RAPGEF5: variants seen among roughly 807,000 people sequenced by gnomAD.
The protein encoded by RAPGEF5 is M-Ras-regulated GEF.
Under a neutral mutation model 125.2 loss-of-function variants are expected in RAPGEF5, and 65 were observed. That is an observed-to-expected ratio of 0.52 (90% CI 0.43 to 0.64). RAPGEF5 has a LOEUF of 0.64. RAPGEF5 is among the 30% of genes least tolerant of loss of function. RAPGEF5 has a pLI of 0.00. For missense variants in RAPGEF5, 958 were observed against 1,048.1 expected (o/e 0.91, Z 1.19); for synonymous variants, 391 against 385.9 (o/e 1.01, Z -0.16).
At chr7:22,253,704 A>G (rs1786679729) in intron 7 of RAPGEF5, among the ~76,000 whole-genome samples, 1 of 152,182 alleles carries the variant, frequency 6.6e-6, no homozygotes, top group Non-Finnish European at 1.5e-5. Context: ...AATTAAACAC[A>G]TATTATCAGA....
At chr7:22,212,054 C>T (rs1785521016) in intron 9 of RAPGEF5, among the ~76,000 whole-genome samples, 1 of 151,632 alleles carries the variant, frequency 6.6e-6, no homozygotes, top group Admixed American at 6.6e-5. Flanking sequence ...ACAAGCACCG[C>T]CTCCCGGATT....
At chr7:22,298,965 T>C (rs1441614007) in intron 5 of RAPGEF5, among the ~76,000 whole-genome samples, 1 of 152,146 alleles carries the variant, frequency 6.6e-6, no homozygotes, top group African/African-American at 2.4e-5. Context: ...TTATTCCTGA[T>C]ATTGGCAATT....
chr7:22,246,838 G>T (rs1457343299), intron 7 of RAPGEF5, among the ~76,000 whole-genome samples: 1 of 152,068 alleles, frequency 6.6e-6, no homozygotes, highest in Non-Finnish European at 1.5e-5. Context: ...ATCTGACAAA[G>T]GTCTAATATC....
chr7:22,308,445 T>C lies in RAPGEF5; in HGVS notation c.574A>G (p.Ser192Gly), dbSNP rs1335497884. 6.3e-7 allele frequency: 1 copy of C among 1,576,978 alleles called. No homozygotes were observed. The highest frequency in any genetic ancestry group is 8.6e-7 in the Non-Finnish European group (1 of 1,159,610). Residue 192 changes from serine (S) to glycine (G), a missense_variant, in exon 5 of 26, where the codon AGC (serine) becomes GGC (glycine). Ser to Gly is a moderately conservative substitution (Grantham distance 56). Transcript: ENST00000665637. The stretch of plus-strand genomic sequence containing the variant: ...CTTTCAAATTCACAGTACAAGTAGC[T>C]ACATTCATCAGAGGAAAACTGGTAG... Reference protein sequence around the residue: ...VFYQFSSDECSYLYCEFEREE... With the variant: ...VFYQFSSDECGYLYCEFEREE...
At chr7:22,167,181 G>C in intron 11 of RAPGEF5, 33 bp from the exon 12 acceptor site, 1 of 1,538,872 alleles carries the variant, frequency 6.5e-7, no homozygotes, top group Non-Finnish European at 9.0e-7. Flanking sequence ...CACAAGGTAA[G>C]CAAAGAGGTG....
At chr7:22,206,643 C>T (rs1583481626) in intron 9 of RAPGEF5, among the ~76,000 whole-genome samples, 1 of 149,456 alleles carries the variant, frequency 6.7e-6, no homozygotes, top group African/African-American at 2.5e-5. Flanking sequence ...TGTGATTTTT[C>T]CATCACACTC....
intron 24 of RAPGEF5, 131 bp from the exon 25 acceptor site, chr7:22,125,789 C>G: frequency 1.2e-6 from 1 of 821,396 alleles, no homozygotes; most frequent in Non-Finnish European, 2.0e-6. Flanking sequence ...GTATTTGGAG[C>G]TGGATGTAGC....
chr7:22,323,473 T>C (rs570671910), intron 1 of RAPGEF5, among the ~76,000 whole-genome samples: 17 of 152,352 alleles, frequency 1.1e-4, no homozygotes, highest in Non-Finnish European at 2.4e-4. Flanking sequence ...AATATTTCTT[T>C]TGGGCTGTGT....
At chr7:22,193,505 A>G in intron 10 of RAPGEF5, 50 bp from the exon 11 acceptor site, 2 of 1,556,952 alleles carry the variant, frequency 1.3e-6, no homozygotes, top group Non-Finnish European at 1.7e-6. Flanking sequence ...GAAGACTGCG[A>G]GCGGCTGCTC....
intron 20 of RAPGEF5, among the ~76,000 whole-genome samples, 185 bp downstream of exon 20, chr7:22,144,859 G>A (rs1783379413): frequency 6.6e-6 from 1 of 152,082 alleles, no homozygotes; most frequent in African/African-American, 2.4e-5. Context: ...TTTACTTTAA[G>A]GTATAAATAC....
At chr7:22,176,758 T>C (rs553457944) in intron 11 of RAPGEF5, among the ~76,000 whole-genome samples, 47 of 152,292 alleles carry the variant, frequency 3.1e-4, no homozygotes, top group African/African-American at 1.1e-3. Context: ...CCCAAACTCC[T>C]GACCTCAAAT....
intron 7 of RAPGEF5, among the ~76,000 whole-genome samples, chr7:22,237,006 C>T (rs915911572): frequency 6.6e-6 from 1 of 152,216 alleles, no homozygotes; most frequent in African/African-American, 2.4e-5. Flanking sequence ...CCAGGTGCTG[C>T]ATCTCTTCCT....
At chr7:22,318,277 AAGTAC>A (rs1783643956) in intron 1 of RAPGEF5, among the ~76,000 whole-genome samples, 3 of 152,284 alleles carry the variant, frequency 2.0e-5, no homozygotes, top group African/African-American at 7.2e-5. Context: ...CTCCCAAGAG[AAGTAC>A]AGTAGAAAGA....
rs374477925 is a variant in RAPGEF5, at chr7:22,204,922, G to A, written c.997-10889C>T. Among the ~76,000 whole-genome samples, 11 of 152,178 alleles carry A rather than the reference G, an allele frequency of 7.2e-5. 1 individual carries two copies. The highest frequency in any genetic ancestry group is 3.8e-4 in the East Asian group (2 of 5,200). ...GCGAAGGTTAAAATAAGACAAAGAT[G>A]AATTTGCTTGCATAGGGGTAGATCT... is the stretch of plus-strand genomic sequence containing the variant. On this transcript the variant is annotated intron_variant, in intron 9 of 25. Transcript: ENST00000665637.
rs367909478 is a variant in RAPGEF5 at position 22,131,033 on chromosome 7, G to T, written c.2481+4C>A. The T allele has an allele frequency of 6.5e-7, 1 of 1,540,826 alleles. No individual in the cohort carries two copies. The highest frequency in any genetic ancestry group is 8.8e-7 in the Non-Finnish European group (1 of 1,141,798). Reference sequence around the variant, plus strand: ...AAAAGGGAGAAGTAATGAAATTTACGTACCAGCTTTTCAAAATTGACAAGA... The same window carrying T: ...AAAAGGGAGAAGTAATGAAATTTACTTACCAGCTTTTCAAAATTGACAAGA... On this transcript the variant is annotated splice_donor_region_variant and intron_variant, in intron 24 of 25. Transcript: ENST00000665637.
chr7:22,280,605 A>C (rs1562505554), intron 6 of RAPGEF5, among the ~76,000 whole-genome samples: 1 of 152,246 alleles, frequency 6.6e-6, no homozygotes, highest in Non-Finnish European at 1.5e-5. Flanking sequence ...TTATTCGAGG[A>C]AACTGGTAAA....
intron 11 of RAPGEF5, chr7:22,191,750 C>T: frequency 2.2e-6 from 1 of 451,720 alleles, no homozygotes; most frequent in South Asian, 1.6e-5. Context: ...ATTTGTCATT[C>T]TCAGTGTTAA....
chr7:22,308,355 C>T lies in RAPGEF5; in HGVS notation c.664G>A (p.Gly222Ser). 1 of 1,588,304 alleles carries T rather than the reference C, an allele frequency of 6.3e-7. No individual in the cohort carries two copies. Among genetic ancestry groups the T allele is most frequent in the South Asian group, 1.2e-5 (1 of 86,662 alleles). ...TCTACTTACAGTTCACAGATGCCAC[C>T]TCTGGCAGGAATGAGAGGCACAAGT... The part of the protein sequence containing the change: ...LQLVPLIPAR[G>S]GICELSHQKI... The change falls in exon 5 of 26, where the codon GGT (glycine) becomes AGT (serine). Residue 222 changes from glycine (G) to serine (S), a missense_variant. Transcript: ENST00000665637.
intron 19 of RAPGEF5, among the ~76,000 whole-genome samples, chr7:22,145,724 G>A (rs933121435): frequency 2.0e-5 from 3 of 152,278 alleles, no homozygotes; most frequent in African/African-American, 4.8e-5. Flanking sequence ...ATCCTGTAGG[G>A]GTGTGGAGGG....
Sources: gnomAD v4.1 joint callset for allele counts (sites outside exome capture counted in the v4.1 genomes callset) on GRCh38, gnomAD v4.1.1 for gene constraint, MANE v1.5 for transcripts, NCBI Gene and HGNC (gene_info 2026-07-23, HGNC 2026-07-21) for gene names.